The following ASB15 variants were observed in gnomAD, a reference collection of about 807,000 sequenced individuals.
ASB15 encodes ankyrin repeat and SOCS box protein 15.
A neutral mutation model predicts 58.0 loss-of-function variants in ASB15; 54 were observed. The ratio of observed to expected loss-of-function variants is 0.93; its 90% CI spans 0.75 to 1.17. ASB15 has a LOEUF of 1.17. Among genes scored for constraint, ASB15 ranks in the 50% most tolerant of loss-of-function variants. The pLI is 0.00. For synonymous variants in ASB15, 249 were observed against 262.4 expected (o/e 0.95, Z 0.50); for missense variants, 680 against 707.4 (o/e 0.96, Z 0.44).
chr7:123,582,188 C>T (rs907639722), intron 1 of ASB15, among the ~76,000 whole-genome samples: 15 of 151,896 alleles, frequency 9.9e-5, no homozygotes, highest in African/African-American at 3.6e-4. Flanking sequence ...GTTCTCAGGC[C>T]CAGACCACTT....
At chr7:123,568,499 C>T (rs1175236991) in intron 1 of ASB15, among the ~76,000 whole-genome samples, 1 of 137,182 alleles carries the variant, frequency 7.3e-6, no homozygotes, top group East Asian at 2.1e-4. Context: ...CCAGCCTGAA[C>T]AACAAGAGCG....
intron 1 of ASB15, among the ~76,000 whole-genome samples, chr7:123,575,949 A>G (rs1337436892): frequency 6.7e-6 from 1 of 149,956 alleles, no homozygotes; most frequent in African/African-American, 2.4e-5. Context: ...TTTCAGGAAA[A>G]TTTTCTTGAT....
chr7:123,615,900 G>T (rs1445623420), intron 4 of ASB15, among the ~76,000 whole-genome samples: 2 of 152,046 alleles, frequency 1.3e-5, no homozygotes, highest in Non-Finnish European at 2.9e-5. Flanking sequence ...ACAAAATCAG[G>T]CTGGGAATTG....
intron 1 of ASB15, among the ~76,000 whole-genome samples, chr7:123,602,302 G>A (rs1181901307): frequency 6.6e-6 from 1 of 151,972 alleles, no homozygotes; most frequent in Non-Finnish European, 1.5e-5. Context: ...ATCTTTTAAG[G>A]CTTTTTCATC....
At position 123,609,722 on chromosome 7, in the gene ASB15, G is replaced by A. The variant is rs183085534; in HGVS notation, c.-3+1068G>A. ...GGGAAAGGGAGAACCTTGGTTCCGT[G>A]CTGTGGGAGCTACTGTATTTCAAAG... On this transcript the variant is annotated intron_variant, in intron 3 of 11. Coordinates refer to ENST00000451215, the MANE Select transcript of ASB15 (RefSeq NM_001290258.2). 4.6e-5 allele frequency among the ~76,000 whole-genome samples: 7 copies of A among 152,318 alleles called. No individual in the cohort carries two copies. In the East Asian group the frequency reaches 1.3e-3, roughly 29 times the overall value.
chr7:123,568,076 A>T (rs1352907816), intron 1 of ASB15, among the ~76,000 whole-genome samples: 1 of 152,166 alleles, frequency 6.6e-6, no homozygotes, highest in East Asian at 1.9e-4. Flanking sequence ...TTCAAATAAA[A>T]GCGCCATTAC....
intron 1 of ASB15, among the ~76,000 whole-genome samples, chr7:123,580,689 G>A (rs1334618703): frequency 6.6e-6 from 1 of 152,040 alleles, no homozygotes; most frequent in Non-Finnish European, 1.5e-5. Flanking sequence ...GGTGAGTGGA[G>A]ATTAAGATGG....
intron 1 of ASB15, among the ~76,000 whole-genome samples, chr7:123,568,359 A>C (rs188415645): frequency 1.1e-4 from 17 of 152,136 alleles, no homozygotes; most frequent in African/African-American, 3.9e-4. Flanking sequence ...CTAAAAAAAA[A>C]AAAATACAAA....
chr7:123,584,039 T>C (rs902798961), intron 1 of ASB15, among the ~76,000 whole-genome samples: 1 of 151,942 alleles, frequency 6.6e-6, no homozygotes, highest in Admixed American at 6.6e-5. Flanking sequence ...ATCTCTATTT[T>C]TATATGTGCA....
chr7:123,588,733 G>T (rs902925130), intron 1 of ASB15, among the ~76,000 whole-genome samples: 1 of 150,244 alleles, frequency 6.7e-6, no homozygotes, highest in Non-Finnish European at 1.5e-5. Flanking sequence ...TTTTAGAATT[G>T]CTTTTGCTAC....
chr7:123,639,185 A>G lies in ASB15; in HGVS notation c.*2204A>G, dbSNP rs1177205054. 6.6e-6 allele frequency: 1 copy of G among 151,976 alleles called. No homozygotes were observed. Among genetic ancestry groups the G allele is most frequent in the Non-Finnish European group, 1.5e-5 (1 of 67,906 alleles). The allele number at this position is 151,976 out of a possible 1,614,324, so 9.4% of individuals were successfully genotyped here. On this transcript the variant is annotated 3_prime_UTR_variant, in exon 12 of 12. Coordinates refer to ENST00000451215, the MANE Select transcript of ASB15 (RefSeq NM_001290258.2). ...CTGGTCTGTAAAGTTTTCAAGTTGTATTTAGCTTTAGTTACCTTTGAAAGA... is the reference window on the plus strand; with the variant it reads ...CTGGTCTGTAAAGTTTTCAAGTTGTGTTTAGCTTTAGTTACCTTTGAAAGA...
chr7:123,605,757 T>C (rs1441706810), intron 2 of ASB15, among the ~76,000 whole-genome samples: 3 of 151,984 alleles, frequency 2.0e-5, no homozygotes, highest in Non-Finnish European at 4.4e-5. Flanking sequence ...GAAAACCAAA[T>C]ACCCCATGTT....
chr7:123,604,583 A>AC (rs1800046078), intron 2 of ASB15, among the ~76,000 whole-genome samples: 1 of 151,496 alleles, frequency 6.6e-6, no homozygotes, highest in East Asian at 1.9e-4. Flanking sequence ...CTCTGTCTAA[A>AC]AAAAAAAAAA....
intron 1 of ASB15, among the ~76,000 whole-genome samples, chr7:123,590,555 C>T (rs1799506027): frequency 6.6e-6 from 1 of 152,158 alleles, no homozygotes; most frequent in Admixed American, 6.5e-5. Context: ...CCAGTTTTCC[C>T]AGCACCATTT....
At chr7:123,597,326 C>A (rs939400160), upstream of ASB15, among the ~76,000 whole-genome samples, 2 of 151,992 alleles carry the variant, frequency 1.3e-5, no homozygotes, top group African/African-American at 4.8e-5. Flanking sequence ...GTTCAAGGAA[C>A]CTTTATTTTA....
chr7:123,609,069 C>T (rs954004794), intron 3 of ASB15: 3 of 151,584 alleles, frequency 2.0e-5, no homozygotes, highest in Non-Finnish European at 4.4e-5. Context: ...TAGATTAGCT[C>T]AACACTCGAG....
At chr7:123,588,873 T>C (rs1205704664) in intron 1 of ASB15, among the ~76,000 whole-genome samples, 1 of 151,820 alleles carries the variant, frequency 6.6e-6, no homozygotes, top group Non-Finnish European at 1.5e-5. Context: ...ATTTTTTAAT[T>C]TTCCCATTTT....
intron 1 of ASB15, among the ~76,000 whole-genome samples, chr7:123,593,933 G>A (rs1048181778): frequency 6.6e-6 from 1 of 151,994 alleles, no homozygotes; most frequent in Non-Finnish European, 1.5e-5. Context: ...ACATAGATTT[G>A]GTCTTTTCAC....
intron 1 of ASB15, among the ~76,000 whole-genome samples, chr7:123,593,570 CT>C (rs992639327): frequency 8.6e-5 from 13 of 151,398 alleles, no homozygotes; most frequent in African/African-American, 2.7e-4. Context: ...GTTGAAAATT[CT>C]TTTTTTTTCT....
Sources: gnomAD v4.1 joint callset for allele counts (sites outside exome capture counted in the v4.1 genomes callset) on GRCh38, gnomAD v4.1.1 for gene constraint, MANE v1.5 for transcripts, NCBI Gene and HGNC (gene_info 2026-07-23, HGNC 2026-07-21) for gene names.